KIF26B: variants seen among roughly 807,000 people sequenced by gnomAD.
The protein encoded by KIF26B is kinesin-like protein KIF26B.
In KIF26B, 63 loss-of-function variants were observed where a neutral mutation model predicts 151.2. That is an observed-to-expected ratio of 0.42 (90% confidence interval 0.34 to 0.51). KIF26B has a LOEUF of 0.51. Ranked by LOEUF, KIF26B falls within the 20% of genes least tolerant of loss-of-function variation. The probability of loss-of-function intolerance (pLI) is 0.07; values close to 1 mark genes in which losing one functional copy is unlikely to be tolerated. For synonymous variants in KIF26B, 1,357 were observed against 1,262.1 expected, an observed-to-expected ratio of 1.08 and a Z score of -1.59; for missense variants, 2,813 against 2,913.6, an observed-to-expected ratio of 0.97 and a Z score of 0.79.
intron 2 of KIF26B, among the ~76,000 whole-genome samples, chr1:245,337,555 TG>T (rs1672260089): frequency 7.0e-6 from 1 of 143,154 alleles, no homozygotes; most frequent in Admixed American, 7.0e-5. Flanking sequence ...TGTGTGTGTG[TG>T]CACCCGTGTA....
chr1:245,631,981 C>T lies in KIF26B; in HGVS notation c.2099-14140C>T, dbSNP rs557558467. Among the ~76,000 whole-genome samples the T allele has an allele frequency of 2.0e-5, 3 of 151,812 alleles. No homozygotes were observed. The East Asian group carries it at 5.8e-4, about 29-fold the overall frequency. ...CTAACAGTTTAATCAATTTTGGTTCCTTTCAAAAATCAAGCTTTTATTTTC... is the reference window on the plus strand; with the variant it reads ...CTAACAGTTTAATCAATTTTGGTTCTTTTCAAAAATCAAGCTTTTATTTTC... On this transcript the variant is annotated intron_variant, in intron 9 of 14. Coordinates refer to ENST00000407071, the MANE Select transcript of KIF26B (RefSeq NM_018012.4).
At chr1:245,649,488 A>C (rs2043990809) in intron 10 of KIF26B, among the ~76,000 whole-genome samples, 1 of 152,212 alleles carries the variant, frequency 6.6e-6, no homozygotes, top group South Asian at 2.1e-4. Context: ...AGTGCTCTGA[A>C]GCCACATTAT....
chr1:245,698,260 A>G lies in KIF26B; in HGVS notation c.5979A>G (p.Glu1993=). The G allele has an allele frequency of 6.2e-7, 1 of 1,613,828 alleles. No individual in the cohort carries two copies. Residue 1993 remains glutamate (E), a synonymous_variant, in exon 13 of 15, where the codon GAA becomes GAG. Coordinates refer to ENST00000407071, the MANE Select transcript of KIF26B (RefSeq NM_018012.4). The surrounding 1 kb of genome is among the most constrained non-coding windows in gnomAD (Gnocchi z 4.0). The part of the protein sequence containing the change: ...LGEPFEIKVY[E]IDDVERLQRR... ...AACCCTTTGAGATTAAAGTCTATGA[A>G]ATCGATGACGTGGAGCGCCTGCAGC...
intron 3 of KIF26B, among the ~76,000 whole-genome samples, chr1:245,410,983 A>G: frequency 6.6e-6 from 1 of 152,276 alleles, no homozygotes; most frequent in Middle Eastern, 3.4e-3. Context: ...GCTCTTCTGT[A>G]TTATTTTTAA....
chr1:245,470,484 G>A (rs1180541652), intron 4 of KIF26B, among the ~76,000 whole-genome samples: 9 of 152,156 alleles, frequency 5.9e-5, no homozygotes, highest in Admixed American at 2.0e-4. Flanking sequence ...AGGCTGGAGT[G>A]CAGTGGTGCG....
intron 5 of KIF26B, among the ~76,000 whole-genome samples, chr1:245,561,862 C>T (rs1458829055): frequency 6.6e-6 from 1 of 152,094 alleles, no homozygotes; most frequent in African/African-American, 2.4e-5. Context: ...TTCATCAGTC[C>T]ACCTGATTCT....
In KIF26B at chr1:245,546,980, G is replaced by A. The variant is rs530088237; in HGVS notation, c.1350+6030G>A. 3.9e-5 allele frequency among the ~76,000 whole-genome samples: 6 copies of A among 152,362 alleles called. No homozygotes were observed. The South Asian group carries it at 1.2e-3, about 32-fold the overall frequency. ...CAGAGAAAGGCGACTTGGGGAAAAT[G>A]TTCTGACTCTTAATCTTCGCGGTTT... On this transcript the variant is annotated intron_variant, in intron 5 of 14. Transcript: ENST00000407071.
At chr1:245,451,810 G>A (rs1659400941) in intron 4 of KIF26B, among the ~76,000 whole-genome samples, 1 of 151,890 alleles carries the variant, frequency 6.6e-6, no homozygotes, top group Admixed American at 6.6e-5. Flanking sequence ...ATGTTGGCCA[G>A]CCTGGTCTTG....
chr1:245,441,700 C>T (rs767552873), intron 4 of KIF26B, among the ~76,000 whole-genome samples: 2 of 152,114 alleles, frequency 1.3e-5, no homozygotes, highest in Non-Finnish European at 2.9e-5. Context: ...AGGTGAACAA[C>T]ACATTAAACA....
At chr1:245,454,585 C>T (rs72762810) in intron 4 of KIF26B, among the ~76,000 whole-genome samples, 16 of 152,168 alleles carry the variant, frequency 1.1e-4, no homozygotes, top group African/African-American at 3.9e-4. Flanking sequence ...CCTTTGATAC[C>T]TTCCATTGGG....
chr1:245,215,593 A>G (rs899129412), intron 2 of KIF26B, among the ~76,000 whole-genome samples: 3 of 152,126 alleles, frequency 2.0e-5, no homozygotes, highest in Non-Finnish European at 4.4e-5. Context: ...ACATAGATTC[A>G]TTCCATGTCA....
chr1:245,284,401 G>A (rs1340711858), intron 2 of KIF26B, among the ~76,000 whole-genome samples: 4 of 151,996 alleles, frequency 2.6e-5, no homozygotes, highest in South Asian at 2.1e-4. Context: ...CCAGCCCAAG[G>A]CCTCCTACAA....
intron 5 of KIF26B, among the ~76,000 whole-genome samples, chr1:245,596,160 C>T (rs1313077882): frequency 6.6e-6 from 1 of 152,134 alleles, no homozygotes; most frequent in East Asian, 1.9e-4. Flanking sequence ...CTATTTCCTT[C>T]AGTTCTGCTC....
rs1558188259 is a variant in KIF26B at position 245,495,530 on chromosome 1, A to G, written c.1167-45237A>G. ...TTTTCTTCTAGCTTTTTGAAAACAT[A>G]CAATAAATCATCATTAACCATATTC... On this transcript the variant is annotated intron_variant, in intron 4 of 14. Transcript: ENST00000407071. The surrounding 1 kb of genome is among the most constrained non-coding windows in gnomAD (Gnocchi z 4.2). Among the ~76,000 whole-genome samples, 1 of 152,226 alleles carries G rather than the reference A, an allele frequency of 6.6e-6. No homozygotes were observed. Among genetic ancestry groups the G allele is most frequent in the Non-Finnish European group, 1.5e-5 (1 of 68,044 alleles).
chr1:245,417,671 T>C (rs1338005684), intron 3 of KIF26B, among the ~76,000 whole-genome samples: 4 of 152,228 alleles, frequency 2.6e-5, no homozygotes, highest in Non-Finnish European at 5.9e-5. Context: ...TTGAAATTCA[T>C]TTGCCCAGAG....
intron 2 of KIF26B, among the ~76,000 whole-genome samples, chr1:245,221,479 C>T (rs1669767678): frequency 1.3e-5 from 2 of 151,614 alleles, no homozygotes; most frequent in Admixed American, 1.3e-4. Context: ...ATGATCTCAG[C>T]TCACTGTAAC....
rs1207235877 is a variant in KIF26B at position 245,540,170 on chromosome 1, G to A, written c.1167-597G>A. 1.3e-5 allele frequency among the ~76,000 whole-genome samples: 2 copies of A among 152,024 alleles called. No homozygotes were observed. The highest frequency in any genetic ancestry group is 4.8e-5 in the African/African-American group (2 of 41,386). On this transcript the variant is annotated intron_variant, in intron 4 of 14. Coordinates refer to ENST00000407071, the MANE Select transcript of KIF26B (RefSeq NM_018012.4). This position sits in a 1 kb window ranked among gnomAD's most constrained non-coding sequence, Gnocchi z 4.6. ...CCCTGCACAATATCCTCTTATCTAC[G>A]TAAGCAGCCCATAGCCTCAGCGCCC... is the stretch of plus-strand genomic sequence containing the variant.
At chr1:245,513,562 G>T (rs1660884161) in intron 4 of KIF26B, among the ~76,000 whole-genome samples, 1 of 152,086 alleles carries the variant, frequency 6.6e-6, no homozygotes. Flanking sequence ...TTTCATTTCG[G>T]CCCGATGTTC....
In KIF26B at chr1:245,708,699, C is replaced by T. The variant is rs534358337; in HGVS notation, c.*6093C>T. On this transcript the variant is annotated 3_prime_UTR_variant, in exon 15 of 15. Coordinates refer to ENST00000407071, the MANE Select transcript of KIF26B (RefSeq NM_018012.4). ...TTCCAGCTTTGCCAGTCGTCCCGTCCGTGATATATTACCTAACTCCTCCAG... is the reference window on the plus strand; with the variant it reads ...TTCCAGCTTTGCCAGTCGTCCCGTCTGTGATATATTACCTAACTCCTCCAG... 4.6e-5 allele frequency: 7 copies of T among 152,262 alleles called. No homozygotes were observed. The highest frequency in any genetic ancestry group is 1.2e-4 in the African/African-American group (5 of 41,538). The allele number at this position is 152,262 out of a possible 1,614,324, so 9.4% of individuals were successfully genotyped here. A position where few individuals can be genotyped will look rare whatever the true frequency, so the allele number is the denominator to read the frequency against.
Sources: gnomAD v4.1 joint callset for allele counts (sites outside exome capture counted in the v4.1 genomes callset) on GRCh38, gnomAD v4.1.1 for gene constraint, Gnocchi (gnomAD v3.1) non-coding constraint, MANE v1.5 for transcripts, NCBI Gene and HGNC (gene_info 2026-07-23, HGNC 2026-07-21) for gene names.